The following MTREX variants were observed in gnomAD, a reference collection of about 807,000 sequenced individuals.
MTREX encodes the protein Mtr4 exosome RNA helicase.
In MTREX, 76 loss-of-function variants were observed where a neutral mutation model predicts 135.4. The observed-to-expected ratio is 0.56, with a 90% CI of 0.47 to 0.68. The LOEUF (loss-of-function observed/expected upper bound fraction) is 0.68, where lower values mean the gene tolerates loss of function less well. Among genes scored for constraint, MTREX ranks in the 30% least tolerant of loss-of-function variants. The probability of loss-of-function intolerance (pLI) is 0.00; values close to 1 mark genes in which losing one functional copy is unlikely to be tolerated. For synonymous variants in MTREX, 404 were observed against 401.6 expected (o/e 1.01, Z -0.07); for missense variants, 920 against 1,262.1 (o/e 0.73, Z 4.11).
intron 5 of MTREX, among the ~76,000 whole-genome samples, chr5:55,336,034 T>C (rs1749547959): frequency 6.6e-6 from 1 of 152,192 alleles, no homozygotes; most frequent in African/African-American, 2.4e-5. Context: ...TTTCTTAAGG[T>C]CATATTTGGA....
At chr5:55,309,247 A>T (rs1749059333) in intron 1 of MTREX, among the ~76,000 whole-genome samples, 2 of 152,176 alleles carry the variant, frequency 1.3e-5, no homozygotes, top group Admixed American at 6.5e-5. Context: ...TGATTTGAGA[A>T]CATGAGGGGC....
At position 55,351,098 on chromosome 5, in the gene MTREX, A is replaced by G. The variant is rs565988312; in HGVS notation, c.1431+69A>G. On this transcript the variant is annotated intron_variant, in intron 13 of 26. Transcript: ENST00000230640. The stretch of plus-strand genomic sequence containing the variant: ...ATGAAGAGTTTGAAAATGAGAGAAC[A>G]TTGTTTATAGGCAATATGTGTGTTT... The G allele has an allele frequency of 1.1e-4, 162 of 1,462,332 alleles. No homozygotes were observed. The Middle Eastern group carries it at 2.1e-3, about 19-fold the overall frequency. 90.6% of individuals were successfully genotyped at this position (1,462,332 alleles called of 1,614,324 possible). A position where few individuals can be genotyped will look rare whatever the true frequency, so the allele number is the denominator to read the frequency against.
At chr5:55,314,901 C>A (rs1749174601) in intron 1 of MTREX, among the ~76,000 whole-genome samples, 1 of 152,250 alleles carries the variant, frequency 6.6e-6, no homozygotes, top group African/African-American at 2.4e-5. Context: ...GGTTTGTGCT[C>A]CCATGAGAAT....
chr5:55,309,257 C>T (rs371237356), intron 1 of MTREX, among the ~76,000 whole-genome samples: 13 of 152,102 alleles, frequency 8.5e-5, no homozygotes, highest in African/African-American at 2.9e-4. Context: ...ACATGAGGGG[C>T]CTTGAATATC....
At chr5:55,412,043 C>T (rs1373366494) in intron 23 of MTREX, among the ~76,000 whole-genome samples, 8 of 152,112 alleles carry the variant, frequency 5.3e-5, no homozygotes, top group African/African-American at 1.2e-4. Context: ...TAAACCACAG[C>T]TCTTAAATCT....
intron 5 of MTREX, among the ~76,000 whole-genome samples, chr5:55,331,292 T>C (rs1490152300): frequency 1.3e-5 from 2 of 152,236 alleles, no homozygotes; most frequent in African/African-American, 2.4e-5. Flanking sequence ...CGGTGCTGAA[T>C]ACTTTTGCAT....
rs116286559 is a variant in MTREX, at chr5:55,417,304, C to T, written c.2971+1172C>T. 3.6e-3 allele frequency among the ~76,000 whole-genome samples: 544 copies of T among 152,212 alleles called. 2 individuals carry two copies. The highest frequency in any genetic ancestry group is 0.012 in the African/African-American group (499 of 41,536). On this transcript the variant is annotated intron_variant, in intron 25 of 26. Coordinates refer to ENST00000230640, the MANE Select transcript of MTREX (RefSeq NM_015360.5). ...GCTCTGTATAATTTACATGTAATCA[C>T]CAAATAGCAATTCAGGGTAGATATT...
chr5:55,397,634 C>A, intron 20 of MTREX, 108 bp downstream of exon 20: 1 of 563,536 alleles, frequency 1.8e-6, no homozygotes, highest in South Asian at 3.5e-5. Context: ...TTCAGAATAC[C>A]TATAAATACT....
At chr5:55,346,763 G>T (rs550287779) in intron 10 of MTREX, among the ~76,000 whole-genome samples, 1 of 152,028 alleles carries the variant, frequency 6.6e-6, no homozygotes, top group African/African-American at 2.4e-5. Flanking sequence ...GTTTGAGGTT[G>T]TCTTTTTACT....
At chr5:55,405,316 TAC>T in intron 21 of MTREX, 107 bp from the exon 22 acceptor site, 2 of 923,242 alleles carry the variant, frequency 2.2e-6, no homozygotes, top group Non-Finnish European at 3.2e-6. Context: ...CCCAGAAGTA[TAC>T]TGTAAGATGT....
intron 7 of MTREX, 142 bp from the exon 8 acceptor site, chr5:55,343,189 A>G: frequency 1.5e-6 from 1 of 681,316 alleles, no homozygotes; most frequent in Non-Finnish European, 2.3e-6. Flanking sequence ...AATAGTTTTC[A>G]GTAAGGTTCT....
chr5:55,395,870 A>C (rs940493373), intron 19 of MTREX, among the ~76,000 whole-genome samples: 1 of 152,238 alleles, frequency 6.6e-6, no homozygotes, highest in East Asian at 1.9e-4. Context: ...TAAAGAAGAA[A>C]GAAATGTGAC....
At chr5:55,396,034 T>G (rs530324971) in intron 19 of MTREX, among the ~76,000 whole-genome samples, 1 of 152,324 alleles carries the variant, frequency 6.6e-6, no homozygotes, top group South Asian at 2.1e-4. Flanking sequence ...CTTTTAATAC[T>G]TGTACTTTAT....
chr5:55,397,514 A>C lies in MTREX; in HGVS notation c.2280A>C (p.Leu760Phe). 6.3e-7 allele frequency: 1 copy of C among 1,596,568 alleles called. No individual in the cohort carries two copies. Among genetic ancestry groups the C allele is most frequent in the Non-Finnish European group, 8.6e-7 (1 of 1,165,438 alleles). ...LRPVDNRQSV[L>F]KSIQEVQKRF... Reference sequence around the variant, plus strand: ...CGGTGGACAATAGACAGAGTGTTTTAAAATCAATACAGGTATGTGTTAATT... The same window carrying C: ...CGGTGGACAATAGACAGAGTGTTTTCAAATCAATACAGGTATGTGTTAATT... The change falls in exon 20 of 27, where the codon TTA becomes TTC. Residue 760 changes from leucine to phenylalanine, a missense_variant. By Grantham distance (22) the Leu-to-Phe change is conservative. Transcript: ENST00000230640.
chr5:55,362,359 G>T (rs1045153574), intron 15 of MTREX, among the ~76,000 whole-genome samples: 2 of 150,482 alleles, frequency 1.3e-5, no homozygotes, highest in South Asian at 2.1e-4. Flanking sequence ...TGTTTTTTTT[G>T]TTTGTTTGTT....
rs1579891670 is a variant in MTREX, at chr5:55,395,845, G to A, written c.2182-1571G>A. Reference sequence around the variant, plus strand: ...GGTCTTGAGAGACACAGAAAACTGGGGAACTGTTCCAGATTAAAGAAGAAA... The same window carrying A: ...GGTCTTGAGAGACACAGAAAACTGGAGAACTGTTCCAGATTAAAGAAGAAA... On this transcript the variant is annotated intron_variant, in intron 19 of 26. Coordinates refer to ENST00000230640, the MANE Select transcript of MTREX (RefSeq NM_015360.5). Among the ~76,000 whole-genome samples the A allele has an allele frequency of 1.3e-5, 2 of 152,200 alleles. 1 individual carries two copies. The highest frequency in any genetic ancestry group is 4.2e-4 in the South Asian group (2 of 4,814).
In MTREX at chr5:55,324,136, G is replaced by T. The variant is rs762676968; in HGVS notation, c.277G>T (p.Ala93Ser). 2 of 1,609,406 alleles carry T rather than the reference G, an allele frequency of 1.2e-6. No individual in the cohort carries two copies. The highest frequency in any genetic ancestry group is 2.7e-5 in the African/African-American group (2 of 74,470). The change falls in exon 3 of 27, where the codon GCA (alanine) becomes TCA (serine). Residue 93 changes from alanine (A) to serine (S), a missense_variant. Ala to Ser is a moderately conservative substitution (Grantham distance 99, BLOSUM62 1). Around this residue, in one of 6 missense-constraint regions of MTREX, gnomAD observed 136 missense variants for 126.7 expected, o/e 1.07. Coordinates refer to ENST00000230640, the MANE Select transcript of MTREX (RefSeq NM_015360.5). ...EESITEDLSL[A>S]DLMPRVKVQS... ...CTTTAAACAATTCTTTTTAAGTTTG[G>T]CAGACCTGATGCCCAGAGTCAAGGT...
At chr5:55,383,441 A>G (rs1171936737) in intron 18 of MTREX, among the ~76,000 whole-genome samples, 1 of 152,136 alleles carries the variant, frequency 6.6e-6, no homozygotes. Flanking sequence ...TTTGCTGGAT[A>G]TAGGATTCTT....
chr5:55,368,530 G>A (rs987046263), intron 16 of MTREX, among the ~76,000 whole-genome samples: 2 of 152,212 alleles, frequency 1.3e-5, no homozygotes, highest in Non-Finnish European at 2.9e-5. Context: ...TAACTATCAT[G>A]ATTTATTTAA....
Sources: allele counts gnomAD v4.1 joint callset (sites outside exome capture counted in the v4.1 genomes callset), GRCh38; gene constraint gnomAD v4.1.1; regional missense constraint gnomAD v4.1.1; transcripts MANE v1.5; gene names NCBI Gene and HGNC (gene_info 2026-07-23, HGNC 2026-07-21).